Variants in ROBO2 observed in about 807,000 individuals in gnomAD.
ROBO2 encodes the protein roundabout homolog 2.
In ROBO2, 53 loss-of-function variants were observed where a neutral mutation model predicts 160.8. The ratio of observed to expected loss-of-function variants is 0.33; its 90% CI spans 0.26 to 0.41. ROBO2 has a LOEUF of 0.41. ROBO2 is among the 10% of genes least tolerant of loss of function. The pLI is 1.00. For missense variants in ROBO2, 1,577 were observed against 1,722.4 expected, an observed-to-expected ratio of 0.92 and a Z score of 1.49; for synonymous variants, 664 against 611.7, an observed-to-expected ratio of 1.09 and a Z score of -1.26.
intron 2 of ROBO2, among the ~76,000 whole-genome samples, chr3:77,302,405 T>C (rs1295626214): frequency 2.0e-5 from 3 of 152,202 alleles, no homozygotes; most frequent in African/African-American, 4.8e-5. Flanking sequence ...TGAAGCCTTA[T>C]TTGTCTTCAT....
At chr3:77,501,314 A>T (rs2087569858) in intron 5 of ROBO2, among the ~76,000 whole-genome samples, 1 of 152,226 alleles carries the variant, frequency 6.6e-6, no homozygotes, top group Admixed American at 6.5e-5. Context: ...AGGTAAAAAA[A>T]AAAAGTTGTT....
chr3:77,449,032 C>T (rs1336097508), intron 2 of ROBO2, among the ~76,000 whole-genome samples: 1 of 151,906 alleles, frequency 6.6e-6, no homozygotes, highest in African/African-American at 2.4e-5. Flanking sequence ...TTTTGTAGAA[C>T]TACTTTGAAA....
intron 2 of ROBO2, among the ~76,000 whole-genome samples, chr3:76,774,025 GGAT>G (rs2062078455): frequency 1.3e-5 from 2 of 150,830 alleles, no homozygotes; most frequent in Non-Finnish European, 3.0e-5. Context: ...AGAAGCAAGT[GGAT>G]GATGATGTTG....
intron 2 of ROBO2, among the ~76,000 whole-genome samples, chr3:75,999,174 A>G (rs1427512080): frequency 2.6e-5 from 4 of 152,172 alleles, no homozygotes; most frequent in African/African-American, 9.7e-5. Flanking sequence ...AATAATATAT[A>G]AGACAAAAGA....
At chr3:77,433,913 A>G (rs1204873597) in intron 2 of ROBO2, among the ~76,000 whole-genome samples, 1 of 152,042 alleles carries the variant, frequency 6.6e-6, no homozygotes, top group Admixed American at 6.6e-5. Flanking sequence ...TCCTCTAAAT[A>G]TAATTGGGAA....
At chr3:77,492,334 G>A (rs981935379) in intron 4 of ROBO2, among the ~76,000 whole-genome samples, 5 of 152,124 alleles carry the variant, frequency 3.3e-5, no homozygotes, top group Non-Finnish European at 7.4e-5. Flanking sequence ...GCCAATGTCT[G>A]GTGATACATA....
rs186271481 is a variant in ROBO2 at position 77,238,212 on chromosome 3, A to G, written c.388+139872A>G. Among the ~76,000 whole-genome samples, 858 of 152,256 alleles carry G rather than the reference A, an allele frequency of 5.6e-3. 7 individuals are homozygous for G. The highest frequency in any genetic ancestry group is 0.02 in the African/African-American group (818 of 41,562). On this transcript the variant is annotated intron_variant, in intron 2 of 25. Transcript: ENST00000461745. ...TTCATTCGCTAGACATCTATCATGT[A>G]GCATATAGTTTTTATTTTAACAAAG...
intron 2 of ROBO2, among the ~76,000 whole-genome samples, chr3:76,778,491 T>G (rs920224335): frequency 2.0e-5 from 3 of 151,084 alleles, no homozygotes; most frequent in Admixed American, 1.3e-4. Flanking sequence ...CAGACCATGA[T>G]GAACACATAA....
intron 2 of ROBO2, among the ~76,000 whole-genome samples, chr3:76,661,173 T>C (rs1360786694): frequency 6.6e-6 from 1 of 152,156 alleles, no homozygotes; most frequent in East Asian, 1.9e-4. Context: ...GTGACTAAGA[T>C]AAAAGTCTCT....
chr3:76,869,588 A>T (rs2071798065), intron 2 of ROBO2, among the ~76,000 whole-genome samples: 1 of 151,760 alleles, frequency 6.6e-6, no homozygotes, highest in Non-Finnish European at 1.5e-5. Flanking sequence ...TGACCTCGTG[A>T]TCCGCCCGCC....
chr3:77,454,013 C>T (rs145019813), intron 2 of ROBO2, among the ~76,000 whole-genome samples: 1,759 of 152,086 alleles, frequency 0.012, 23 homozygotes, highest in Non-Finnish European at 0.018. Flanking sequence ...ATCCTCATTT[C>T]CCGTTAATGA....
intron 2 of ROBO2, among the ~76,000 whole-genome samples, chr3:76,933,271 C>A (rs1304574145): frequency 2.6e-5 from 4 of 152,018 alleles, no homozygotes; most frequent in Non-Finnish European, 5.9e-5. Context: ...AATTTACTAC[C>A]ATAGTGATTA....
chr3:76,602,175 T>A (rs2087203537), intron 2 of ROBO2, among the ~76,000 whole-genome samples: 1 of 152,150 alleles, frequency 6.6e-6, no homozygotes. Context: ...ATTCAACAAG[T>A]CTCTAGGAAG....
intron 2 of ROBO2, among the ~76,000 whole-genome samples, chr3:76,448,735 A>T (rs1460973922): frequency 6.6e-6 from 1 of 152,200 alleles, no homozygotes; most frequent in East Asian, 1.9e-4. Context: ...ACTCTGAACC[A>T]GACTTTACAT....
In ROBO2 at chr3:76,837,521, TA is replaced by T. The variant is rs371501004; in HGVS notation, c.110-260483del. 9.8e-3 allele frequency among the ~76,000 whole-genome samples: 1,467 copies of T among 148,974 alleles called. 21 individuals carry two copies. Among genetic ancestry groups the T allele is most frequent in the African/African-American group, 0.033 (1,364 of 40,850 alleles). On this transcript the variant is annotated intron_variant, in intron 2 of 26. Transcript: ENST00000487694. ...ACATAGTTTTTTTTCTTTTTATGTT[TA>T]AAAAAAAAACCCAAACATATAGAAA...
At chr3:75,952,087 T>C (rs1948560457) in intron 2 of ROBO2, among the ~76,000 whole-genome samples, 1 of 152,048 alleles carries the variant, frequency 6.6e-6, no homozygotes, top group Non-Finnish European at 1.5e-5. Flanking sequence ...ATTTTCAGAA[T>C]GTAGCACAGT....
At chr3:76,008,362 A>G (rs1224786266) in intron 2 of ROBO2, among the ~76,000 whole-genome samples, 1 of 152,124 alleles carries the variant, frequency 6.6e-6, no homozygotes, top group Non-Finnish European at 1.5e-5. Flanking sequence ...TTTTTTTAAA[A>G]GAAAGCACAG....
intron 2 of ROBO2, among the ~76,000 whole-genome samples, chr3:75,961,200 T>A (rs1285311399): frequency 2.6e-5 from 4 of 151,686 alleles, no homozygotes; most frequent in Non-Finnish European, 4.4e-5. Flanking sequence ...CACTTTTTTT[T>A]ATTGATCTCA....
intron 2 of ROBO2, among the ~76,000 whole-genome samples, chr3:77,285,756 C>T (rs2060544291): frequency 6.6e-6 from 1 of 151,866 alleles, no homozygotes; most frequent in Non-Finnish European, 1.5e-5. Flanking sequence ...TGCACATGCT[C>T]ATGAAGACAA....
Sources: allele counts gnomAD v4.1 joint callset (sites outside exome capture counted in the v4.1 genomes callset), GRCh38; gene constraint gnomAD v4.1.1; transcripts MANE v1.5; gene names NCBI Gene and HGNC (gene_info 2026-07-23, HGNC 2026-07-21).